CACNG2: variants seen among roughly 807,000 people sequenced by gnomAD.
CACNG2 encodes the protein calcium voltage-gated channel auxiliary subunit gamma 2.
CACNG2 carries 3 observed loss-of-function variants against 25.9 expected under a neutral mutation model. That is an observed-to-expected ratio of 0.12 (90% CI 0.05 to 0.30). The LOEUF (loss-of-function observed/expected upper bound fraction) is 0.30. Ranked by LOEUF, CACNG2 falls within the 10% of genes least tolerant of loss-of-function variation. The pLI is 1.00. For missense variants in CACNG2, 341 were observed against 432.5 expected, an observed-to-expected ratio of 0.79 and a Z score of 1.88; for synonymous variants, 167 against 173.3, an observed-to-expected ratio of 0.96 and a Z score of 0.29.
At chr22:36,571,380 C>A (rs1017604153) in intron 2 of CACNG2, among the ~76,000 whole-genome samples, 3 of 151,178 alleles carry the variant, frequency 2.0e-5, no homozygotes, top group African/African-American at 7.3e-5. Flanking sequence ...CCGCTTGAAC[C>A]CGGGAGGCAG....
intron 2 of CACNG2, chr22:36,585,162 G>A (rs1273146737): frequency 6.6e-6 from 1 of 152,182 alleles, no homozygotes; most frequent in Non-Finnish European, 1.5e-5. Context: ...GGGTGCTTGG[G>A]GTGCAGAAAT....
intron 3 of CACNG2, among the ~76,000 whole-genome samples, chr22:36,565,563 C>T (rs1223947991): frequency 6.6e-6 from 1 of 151,968 alleles, no homozygotes; most frequent in Non-Finnish European, 1.5e-5. Context: ...ACTGCAGTCT[C>T]AAACTCCTGG....
intron 1 of CACNG2, among the ~76,000 whole-genome samples, chr22:36,686,518 C>A (rs886882218): frequency 6.6e-6 from 1 of 152,192 alleles, no homozygotes; most frequent in Non-Finnish European, 1.5e-5. Context: ...CTCAGGCATG[C>A]AATGGGCCTG....
rs61572491 is a variant in CACNG2, at chr22:36,613,156, C to CTGTGTGTG, written c.212-25616_212-25609dup. ...AAAAGTTCATTTCATTACAGGCTCT[C>CTGTGTGTG]TGTGTGTGTGTGTGTGTGTGTGTGT... On this transcript the variant is annotated intron_variant, in intron 1 of 3. Transcript: ENST00000300105. 4.5e-3 allele frequency among the ~76,000 whole-genome samples: 656 copies of CTGTGTGTG among 146,220 alleles called. 2 individuals are homozygous for CTGTGTGTG. The highest frequency in any genetic ancestry group is 7.4e-3 in the Non-Finnish European group (491 of 66,570).
At chr22:36,641,685 C>T in intron 1 of CACNG2, among the ~76,000 whole-genome samples, 1 of 152,178 alleles carries the variant, frequency 6.6e-6, no homozygotes, top group East Asian at 1.9e-4. Context: ...AATTGCATTA[C>T]CCTTTTCATT....
At chr22:36,628,275 C>A (rs1936214824) in intron 1 of CACNG2, among the ~76,000 whole-genome samples, 1 of 152,136 alleles carries the variant, frequency 6.6e-6, no homozygotes, top group South Asian at 2.1e-4. Flanking sequence ...TATGCAGAGA[C>A]AAAATAGAGC....
At chr22:36,641,038 G>A (rs1213125085) in intron 1 of CACNG2, among the ~76,000 whole-genome samples, 1 of 152,102 alleles carries the variant, frequency 6.6e-6, no homozygotes, top group Admixed American at 6.6e-5. Flanking sequence ...CTTCAACATA[G>A]CAACATGCCT....
chr22:36,687,478 C>T (rs914890821), intron 1 of CACNG2, among the ~76,000 whole-genome samples: 4 of 152,156 alleles, frequency 2.6e-5, no homozygotes, highest in African/African-American at 9.7e-5. Flanking sequence ...CAAATTGAAT[C>T]CTTCCTGGTA....
chr22:36,568,416 A>AT (rs1935164591), intron 2 of CACNG2, among the ~76,000 whole-genome samples: 1 of 151,482 alleles, frequency 6.6e-6, no homozygotes, highest in African/African-American at 2.4e-5. Flanking sequence ...TTTTATTTTT[A>AT]TTTTTTGAGA....
chr22:36,621,697 C>A (rs1432769342), intron 1 of CACNG2, among the ~76,000 whole-genome samples: 1 of 152,162 alleles, frequency 6.6e-6, no homozygotes, highest in Non-Finnish European at 1.5e-5. Context: ...CACACACAGG[C>A]ACTGTAGCAC....
Position 36,564,992 on chromosome 22 carries a change from C to T in CACNG2, c.437-106G>A. 8.1e-6 allele frequency: 8 copies of T among 992,746 alleles called. No individual in the cohort carries two copies. Among genetic ancestry groups the T allele is most frequent in the Non-Finnish European group, 1.1e-5 (7 of 633,374 alleles). The allele number at this position is 992,746 out of a possible 1,614,324, so 61.5% of individuals were successfully genotyped here. Reference sequence around the variant, plus strand: ...AAAGGACGGGGACAGCTGTGTGGGCCTTCCCCGGTCCCGCGCCTTCATGAA... The same window carrying T: ...AAAGGACGGGGACAGCTGTGTGGGCTTTCCCCGGTCCCGCGCCTTCATGAA... On this transcript the variant is annotated intron_variant, in intron 3 of 3. Transcript: ENST00000300105. This position sits in a 1 kb window ranked among gnomAD's most constrained non-coding sequence, Gnocchi z 6.7.
chr22:36,647,884 C>T (rs1402319438), intron 1 of CACNG2, among the ~76,000 whole-genome samples: 1 of 152,202 alleles, frequency 6.6e-6, no homozygotes, highest in Non-Finnish European at 1.5e-5. Context: ...TGTGTATGTG[C>T]ACACATGTGC....
rs59211073 is a variant in CACNG2 at position 36,675,146 on chromosome 22, C to T, written c.211+27220G>A. On this transcript the variant is annotated intron_variant, in intron 1 of 3. Coordinates refer to ENST00000300105, the MANE Select transcript of CACNG2 (RefSeq NM_006078.5). ...CAACCTCTCAGGCTCAGGTGATCCT[C>T]CTGCCTCAACTTTCAGAGTAGTTGG... Among the ~76,000 whole-genome samples the T allele has an allele frequency of 3.2e-3, 487 of 152,308 alleles. 9 individuals are homozygous for T. Among genetic ancestry groups the T allele is most frequent in the African/African-American group, 0.011 (470 of 41,572 alleles).
chr22:36,668,897 G>A (rs566837101), intron 1 of CACNG2, among the ~76,000 whole-genome samples: 2 of 152,222 alleles, frequency 1.3e-5, no homozygotes, highest in African/African-American at 4.8e-5. Context: ...AAATGGAGAG[G>A]GTGAATTTGC....
Position 36,702,673 on chromosome 22 carries a change from A to C in CACNG2, c.-97T>G, listed in dbSNP as rs1466395056. The stretch of plus-strand genomic sequence containing the variant: ...AAGCCAAAAAAAATAAATAAAAATA[A>C]AAATTATTCCACTACTAATATAATG... On this transcript the variant is annotated 5_prime_UTR_variant, in exon 1 of 4. Coordinates refer to ENST00000300105, the MANE Select transcript of CACNG2 (RefSeq NM_006078.5). 1 of 844,916 alleles carries C rather than the reference A, an allele frequency of 1.2e-6. No individual in the cohort carries two copies. The highest frequency in any genetic ancestry group is 2.0e-6 in the Non-Finnish European group (1 of 507,744). The allele number at this position is 844,916 out of a possible 1,614,324, so 52.3% of individuals were successfully genotyped here.
intron 1 of CACNG2, among the ~76,000 whole-genome samples, chr22:36,683,203 C>A (rs1163978108): frequency 6.6e-6 from 1 of 152,204 alleles, no homozygotes; most frequent in Non-Finnish European, 1.5e-5. Context: ...TAGTTTATAT[C>A]CATAATTATG....
At chr22:36,625,980 C>T (rs549521628) in intron 1 of CACNG2, among the ~76,000 whole-genome samples, 18 of 152,196 alleles carry the variant, frequency 1.2e-4, no homozygotes, top group South Asian at 1.0e-3. Flanking sequence ...AGTGCAGTGG[C>T]GAAATCTCGG....
intron 1 of CACNG2, among the ~76,000 whole-genome samples, chr22:36,688,539 C>CAAAAAAAA (rs35964599): frequency 4.3e-5 from 3 of 70,144 alleles, no homozygotes; most frequent in African/African-American, 1.5e-4. Context: ...GACCCTGTCT[C>CAAAAAAAA]AAAAAAAAAA....
At chr22:36,665,902 G>A (rs1266235464) in intron 1 of CACNG2, among the ~76,000 whole-genome samples, 1 of 152,200 alleles carries the variant, frequency 6.6e-6, no homozygotes, top group Non-Finnish European at 1.5e-5. Flanking sequence ...TGGGTCTCAA[G>A]GAGATATTTG....
Sources: allele counts gnomAD v4.1 joint callset (sites outside exome capture counted in the v4.1 genomes callset), GRCh38; gene constraint gnomAD v4.1.1; non-coding constraint Gnocchi (gnomAD v3.1); transcripts MANE v1.5; gene names NCBI Gene and HGNC (gene_info 2026-07-23, HGNC 2026-07-21).